XKR4: variants seen among roughly 807,000 people sequenced by gnomAD.
The protein encoded by XKR4 is XK related 4.
XKR4 carries 12 observed loss-of-function variants against 53.9 expected under a neutral mutation model. That is an observed-to-expected ratio of 0.22 (90% CI 0.14 to 0.36). The LOEUF is 0.36. Among genes scored for constraint, XKR4 ranks in the 10% least tolerant of loss-of-function variants. The pLI is 1.00. For synonymous variants in XKR4, 354 were observed against 362.4 expected, an observed-to-expected ratio of 0.98 and a Z score of 0.26; for missense variants, 799 against 859.5, an observed-to-expected ratio of 0.93 and a Z score of 0.88.
chr8:55,105,149 G>A (rs1254706534), intron 1 of XKR4, among the ~76,000 whole-genome samples: 1 of 152,038 alleles, frequency 6.6e-6, no homozygotes, highest in Non-Finnish European at 1.5e-5. Context: ...TCTGTGAACC[G>A]AGGAAGTCCT....
chr8:55,452,202 A>G (rs1805460055), intron 2 of XKR4: 1 of 698,686 alleles, frequency 1.4e-6, no homozygotes. Flanking sequence ...CTCCTCATCA[A>G]AGGCCATTTT....
At chr8:55,141,645 TTCTCTCTCTCTC>T (rs138063196) in intron 1 of XKR4, among the ~76,000 whole-genome samples, 2 of 111,930 alleles carry the variant, frequency 1.8e-5, no homozygotes, top group Admixed American at 1.8e-4. Context: ...GTGCTTCTGC[TTCTCTCTCTCTC>T]TCTCTCTCTC....
intron 1 of XKR4, among the ~76,000 whole-genome samples, chr8:55,260,476 C>T (rs1388784022): frequency 6.6e-6 from 1 of 152,130 alleles, no homozygotes; most frequent in East Asian, 1.9e-4. Flanking sequence ...ATCCGAGGTT[C>T]GTTGCCTCAC....
At chr8:55,418,797 C>A (rs1488821698) in intron 2 of XKR4, among the ~76,000 whole-genome samples, 1 of 152,192 alleles carries the variant, frequency 6.6e-6, no homozygotes, top group African/African-American at 2.4e-5. Context: ...CCAGCTCCTG[C>A]CCTTTTTCAG....
At chr8:55,411,825 C>T (rs1804782616) in intron 2 of XKR4, among the ~76,000 whole-genome samples, 1 of 152,186 alleles carries the variant, frequency 6.6e-6, no homozygotes, top group African/African-American at 2.4e-5. Context: ...TCAGGCCCAG[C>T]ACTGCCTGAC....
intron 1 of XKR4, among the ~76,000 whole-genome samples, chr8:55,187,161 G>C (rs1817389506): frequency 1.3e-5 from 2 of 151,956 alleles, no homozygotes; most frequent in Admixed American, 6.6e-5. Context: ...GTGGCTTCCT[G>C]TAACTTTTCT....
intron 2 of XKR4, chr8:55,451,498 G>A (rs780872065): frequency 1.8e-6 from 2 of 1,084,336 alleles, no homozygotes; most frequent in East Asian, 5.1e-5. Flanking sequence ...CTGGCCTGGA[G>A]AAGGTGCGTT....
intron 2 of XKR4, among the ~76,000 whole-genome samples, chr8:55,423,862 T>C (rs1248924868): frequency 6.6e-6 from 1 of 152,204 alleles, no homozygotes; most frequent in African/African-American, 2.4e-5. Flanking sequence ...ACAGGTTCTG[T>C]CTCATGAGAT....
At chr8:55,296,159 G>T (rs994583856) in intron 1 of XKR4, among the ~76,000 whole-genome samples, 1 of 152,170 alleles carries the variant, frequency 6.6e-6, no homozygotes, top group African/African-American at 2.4e-5. Context: ...GAAGGTGACT[G>T]CTCTGTCCAA....
At chr8:55,149,124 G>A (rs184804103) in intron 1 of XKR4, among the ~76,000 whole-genome samples, 227 of 152,272 alleles carry the variant, frequency 1.5e-3, no homozygotes, top group African/African-American at 5.2e-3. Context: ...TGGATAACGG[G>A]CAGCATGGCT....
intron 1 of XKR4, among the ~76,000 whole-genome samples, chr8:55,348,226 TA>T (rs1383526233): frequency 6.6e-6 from 1 of 152,072 alleles, no homozygotes; most frequent in East Asian, 1.9e-4. Context: ...TCACCTCAGT[TA>T]TGAGGGGGGA....
chr8:55,343,510 A>G (rs1438631983), intron 1 of XKR4, among the ~76,000 whole-genome samples: 1 of 152,152 alleles, frequency 6.6e-6, no homozygotes, highest in Non-Finnish European at 1.5e-5. Flanking sequence ...ACTCTCAGAA[A>G]TTAGCTGCCC....
intron 2 of XKR4, among the ~76,000 whole-genome samples, chr8:55,458,826 G>C (rs1158138381): frequency 6.6e-6 from 1 of 152,148 alleles, no homozygotes; most frequent in Non-Finnish European, 1.5e-5. Flanking sequence ...GTGGAGCCTA[G>C]GGTTTATATG....
chr8:55,194,493 T>C (rs979122362), intron 1 of XKR4, among the ~76,000 whole-genome samples: 4 of 152,172 alleles, frequency 2.6e-5, no homozygotes, highest in Non-Finnish European at 5.9e-5. Context: ...TGGGTGCCAA[T>C]CAAAGTTACA....
intron 1 of XKR4, among the ~76,000 whole-genome samples, chr8:55,150,696 C>CT (rs1317237610): frequency 3.3e-5 from 5 of 152,158 alleles, no homozygotes; most frequent in Admixed American, 3.3e-4. Context: ...TGCATAACCC[C>CT]TTCTAAGCAT....
chr8:55,447,453 A>G (rs1014125070), intron 2 of XKR4, among the ~76,000 whole-genome samples: 1 of 152,224 alleles, frequency 6.6e-6, no homozygotes, highest in Admixed American at 6.5e-5. Flanking sequence ...AAGGTTGGCT[A>G]AGAAAGAAAG....
chr8:55,158,449 G>T (rs532108310), intron 1 of XKR4, among the ~76,000 whole-genome samples: 4 of 152,254 alleles, frequency 2.6e-5, no homozygotes, highest in South Asian at 2.1e-4. Context: ...TCTATAGGTT[G>T]TCTGTTTACT....
chr8:55,237,405 G>T (rs1818149684), intron 1 of XKR4, among the ~76,000 whole-genome samples: 1 of 152,166 alleles, frequency 6.6e-6, no homozygotes, highest in Admixed American at 6.5e-5. Context: ...AATAAAGTCA[G>T]TTAGAGAAAA....
chr8:55,454,474 G>A (rs1412744973), intron 2 of XKR4: 2 of 1,187,136 alleles, frequency 1.7e-6, no homozygotes, highest in Non-Finnish European at 2.4e-6. Flanking sequence ...CGTGCTCCAT[G>A]AGGGTGGCAC....
Sources: allele counts gnomAD v4.1 joint callset (sites outside exome capture counted in the v4.1 genomes callset), GRCh38; gene constraint gnomAD v4.1.1; transcripts MANE v1.5; gene names NCBI Gene and HGNC (gene_info 2026-07-23, HGNC 2026-07-21).